The following OLA1 variants were observed in gnomAD, a reference collection of about 807,000 sequenced individuals.
OLA1 encodes obg-like ATPase 1.
OLA1 carries 14 observed loss-of-function variants against 48.4 expected under a neutral mutation model. The observed-to-expected ratio is 0.29, with a 90% CI of 0.19 to 0.45. The LOEUF is 0.45. Ranked by LOEUF, OLA1 falls within the 20% of genes least tolerant of loss-of-function variation. OLA1 has a pLI of 1.00. For synonymous variants in OLA1, 127 were observed against 150.4 expected (o/e 0.84, Z 1.14); for missense variants, 325 against 467.1 (o/e 0.70, Z 2.80).
intron 2 of OLA1, among the ~76,000 whole-genome samples, chr2:174,244,750 G>A (rs1279334071): frequency 2.0e-5 from 3 of 151,652 alleles, no homozygotes; most frequent in South Asian, 2.1e-4. Context: ...CCAGCCTCCC[G>A]AGTATCTGGA....
intron 4 of OLA1, among the ~76,000 whole-genome samples, chr2:174,193,466 T>TTTG (rs985495559): frequency 6.6e-6 from 1 of 152,180 alleles, no homozygotes; most frequent in Non-Finnish European, 1.5e-5. Flanking sequence ...CTCATGGTTT[T>TTTG]TTGTTGTTGT....
At chr2:174,200,013 G>C (rs1687957654) in intron 4 of OLA1, among the ~76,000 whole-genome samples, 1 of 151,612 alleles carries the variant, frequency 6.6e-6, no homozygotes, top group Admixed American at 6.6e-5. Flanking sequence ...AAAAAAAAAA[G>C]CAATCCCTCT....
At position 174,134,724 on chromosome 2, in the gene OLA1, A is replaced by C. The variant is rs528005315; in HGVS notation, c.549+7101T>G. ...ATAGGGGTAATGGTTGTACAATATT[A>C]TAAATGTACTTAATGCTAGTGAATT... On this transcript the variant is annotated intron_variant, in intron 5 of 10. Transcript: ENST00000284719. 5.9e-5 allele frequency among the ~76,000 whole-genome samples: 9 copies of C among 152,380 alleles called. No individual in the cohort carries two copies. The East Asian group carries it at 1.7e-3, about 29-fold the overall frequency.
chr2:174,247,621 C>A (rs777457730), intron 1 of OLA1: 3 of 1,549,306 alleles, frequency 1.9e-6, no homozygotes, highest in East Asian at 4.9e-5. Flanking sequence ...GGAATCTTAT[C>A]TTTCCCATTC....
intron 4 of OLA1, among the ~76,000 whole-genome samples, chr2:174,191,408 C>T (rs1687775056): frequency 6.6e-6 from 1 of 151,972 alleles, no homozygotes. Context: ...CCCACATTCA[C>T]CCAAGTCAAT....
intron 9 of OLA1, among the ~76,000 whole-genome samples, chr2:174,080,419 A>G (rs1046942511): frequency 6.6e-6 from 1 of 152,102 alleles, no homozygotes; most frequent in African/African-American, 2.4e-5. Flanking sequence ...AGGATCACAT[A>G]TATTTCAAAA....
chr2:174,243,996 T>C lies in OLA1; in HGVS notation c.101+2719A>G, dbSNP rs147346322. Among the ~76,000 whole-genome samples the C allele has an allele frequency of 2.8e-3, 433 of 152,258 alleles. 3 individuals carry two copies. Among genetic ancestry groups the C allele is most frequent in the Admixed American group, 0.016 (243 of 15,296 alleles). Reference sequence around the variant, plus strand: ...CCGGTCGGATTTCCTTACTCAGGAATTGGAATTACAGGAGAGACAGGAAAT... The same window carrying C: ...CCGGTCGGATTTCCTTACTCAGGAACTGGAATTACAGGAGAGACAGGAAAT... On this transcript the variant is annotated intron_variant, in intron 2 of 10. Coordinates refer to ENST00000284719, the MANE Select transcript of OLA1 (RefSeq NM_013341.5).
chr2:174,135,902 C>T (rs985671092), intron 5 of OLA1, among the ~76,000 whole-genome samples: 1 of 152,170 alleles, frequency 6.6e-6, no homozygotes, highest in Non-Finnish European at 1.5e-5. Flanking sequence ...AAGTGAGTAT[C>T]GCTATAAAGC....
At chr2:174,165,508 C>A (rs1312701105) in intron 4 of OLA1, among the ~76,000 whole-genome samples, 1 of 152,116 alleles carries the variant, frequency 6.6e-6, no homozygotes, top group Non-Finnish European at 1.5e-5. Flanking sequence ...CACTGTGAAG[C>A]GAAATTTCTG....
chr2:174,154,915 C>T (rs192165307), intron 4 of OLA1, among the ~76,000 whole-genome samples: 1 of 152,294 alleles, frequency 6.6e-6, no homozygotes, highest in East Asian at 1.9e-4. Context: ...GCTTTCATTT[C>T]TCATCTTTCA....
At chr2:174,121,335 G>A (rs1333347805) in intron 7 of OLA1, among the ~76,000 whole-genome samples, 3 of 151,856 alleles carry the variant, frequency 2.0e-5, no homozygotes, top group East Asian at 1.9e-4. Flanking sequence ...CATTTTTTAC[G>A]AGCAGGGATG....
intron 7 of OLA1, among the ~76,000 whole-genome samples, chr2:174,121,055 T>C (rs1373048754): frequency 6.6e-6 from 1 of 152,194 alleles, no homozygotes; most frequent in Non-Finnish European, 1.5e-5. Context: ...GCTAACACAA[T>C]TAAAAGGATT....
intron 2 of OLA1, among the ~76,000 whole-genome samples, chr2:174,237,116 G>A (rs115984959): frequency 1.7e-3 from 258 of 151,902 alleles, no homozygotes; most frequent in African/African-American, 6.1e-3. Context: ...ACACTGTATA[G>A]CTGTACAAAA....
At chr2:174,089,384 C>T (rs1685056005) in intron 7 of OLA1, among the ~76,000 whole-genome samples, 1 of 152,048 alleles carries the variant, frequency 6.6e-6, no homozygotes, top group Non-Finnish European at 1.5e-5. Context: ...ACTATGCAGA[C>T]CAACTGATAA....
chr2:174,135,234 T>C lies in OLA1; in HGVS notation c.549+6591A>G, dbSNP rs914184272. ...TAAAGTTCTGGTAAATGACCTCATG[T>C]AAAATCAGTACGTTTAAAGTCCTAC... On this transcript the variant is annotated intron_variant, in intron 5 of 10. Coordinates refer to ENST00000284719, the MANE Select transcript of OLA1 (RefSeq NM_013341.5). 7.3e-5 allele frequency among the ~76,000 whole-genome samples: 11 copies of C among 151,436 alleles called. 1 individual carries two copies. Among genetic ancestry groups the C allele is most frequent in the African/African-American group, 2.7e-4 (11 of 41,184 alleles).
chr2:174,166,495 T>C (rs1480372920), intron 4 of OLA1, among the ~76,000 whole-genome samples: 2 of 152,156 alleles, frequency 1.3e-5, no homozygotes, highest in African/African-American at 2.4e-5. Flanking sequence ...TCAACAGCAA[T>C]AACAACAAAG....
At chr2:174,132,442 T>G (rs1487719480) in intron 5 of OLA1, among the ~76,000 whole-genome samples, 2 of 152,122 alleles carry the variant, frequency 1.3e-5, no homozygotes, top group Non-Finnish European at 2.9e-5. Context: ...TACTTTCAGA[T>G]CACTGATTTC....
At chr2:174,123,094 T>C in intron 7 of OLA1, 86 bp downstream of exon 7, 1 of 632,538 alleles carries the variant, frequency 1.6e-6, no homozygotes, top group Non-Finnish European at 2.8e-6. Flanking sequence ...AAATTAAACA[T>C]TGCCGTTAAG....
At chr2:174,169,792 G>A (rs1281356508) in intron 4 of OLA1, among the ~76,000 whole-genome samples, 1 of 152,076 alleles carries the variant, frequency 6.6e-6, no homozygotes, top group Non-Finnish European at 1.5e-5. Context: ...TCTTTTCATG[G>A]TTTCCTCATA....
Sources: gnomAD v4.1 joint callset for allele counts (sites outside exome capture counted in the v4.1 genomes callset) on GRCh38, gnomAD v4.1.1 for gene constraint, MANE v1.5 for transcripts, NCBI Gene and HGNC (gene_info 2026-07-23, HGNC 2026-07-21) for gene names.